CHRM3: variants seen among roughly 807,000 people sequenced by gnomAD.
CHRM3 encodes the protein muscarinic acetylcholine receptor M3.
A neutral mutation model predicts 41.8 loss-of-function variants in CHRM3; 11 were observed. The ratio of observed to expected loss-of-function variants is 0.26; its 90% CI spans 0.17 to 0.44. CHRM3 has a LOEUF of 0.44. Ranked by LOEUF, CHRM3 falls within the 20% of genes least tolerant of loss-of-function variation. CHRM3 has a pLI of 1.00. For synonymous variants in CHRM3, 297 were observed against 301.4 expected (o/e 0.99, Z 0.15); for missense variants, 571 against 745.4 (o/e 0.77, Z 2.72).
intron 5 of CHRM3, among the ~76,000 whole-genome samples, chr1:239,702,964 C>A (rs1242616691): frequency 6.6e-6 from 1 of 152,160 alleles, no homozygotes; most frequent in Non-Finnish European, 1.5e-5. Flanking sequence ...AAGTGCTTCA[C>A]AAATCCCACA....
chr1:239,811,336 C>T (rs771198473), intron 5 of CHRM3, among the ~76,000 whole-genome samples: 3 of 152,202 alleles, frequency 2.0e-5, no homozygotes, highest in Non-Finnish European at 2.9e-5. Context: ...CCCATGCAGG[C>T]CATCCAAGAC....
intron 5 of CHRM3, among the ~76,000 whole-genome samples, chr1:239,715,521 A>T (rs1572075539): frequency 1.3e-5 from 2 of 152,238 alleles, no homozygotes; most frequent in East Asian, 3.9e-4. Context: ...TACCTTATTG[A>T]ATGCAGATTT....
chr1:239,518,131 A>C (rs1039690192), intron 2 of CHRM3, among the ~76,000 whole-genome samples: 2 of 152,146 alleles, frequency 1.3e-5, no homozygotes, highest in Admixed American at 6.5e-5. Flanking sequence ...CAACAACAAC[A>C]ACCACAAACC....
chr1:239,620,324 T>G (rs1001605069), intron 3 of CHRM3, among the ~76,000 whole-genome samples: 4 of 152,308 alleles, frequency 2.6e-5, no homozygotes, highest in Non-Finnish European at 5.9e-5. Flanking sequence ...GGCCAAAGAT[T>G]GTTTTCAGTC....
At chr1:239,855,730 A>G (rs547370543) in intron 6 of CHRM3, among the ~76,000 whole-genome samples, 1 of 152,282 alleles carries the variant, frequency 6.6e-6, no homozygotes, top group Non-Finnish European at 1.5e-5. Context: ...ATTTTCATAC[A>G]TAATGAAAAG....
intron 5 of CHRM3, among the ~76,000 whole-genome samples, chr1:239,823,210 A>T (rs140709734): frequency 6.6e-6 from 1 of 152,224 alleles, no homozygotes; most frequent in Non-Finnish European, 1.5e-5. Context: ...AGAAAGCTCA[A>T]TGAAAGAGGC....
chr1:239,467,906 C>A (rs560517087), intron 1 of CHRM3, among the ~76,000 whole-genome samples: 8 of 77,146 alleles, frequency 1.0e-4, no homozygotes, highest in East Asian at 5.7e-4. Flanking sequence ...CCTACCCCCC[C>A]CCAACGTTAT....
intron 1 of CHRM3, among the ~76,000 whole-genome samples, chr1:239,430,464 A>G (rs555082183): frequency 7.2e-4 from 110 of 152,190 alleles, no homozygotes; most frequent in Non-Finnish European, 1.3e-3. Flanking sequence ...GTTAATAGGT[A>G]TGGTTTTTGT....
intron 5 of CHRM3, among the ~76,000 whole-genome samples, chr1:239,761,320 C>T (rs900586086): frequency 6.6e-6 from 1 of 152,110 alleles, no homozygotes; most frequent in African/African-American, 2.4e-5. Flanking sequence ...TGTGTATAAG[C>T]TCTTTTAATG....
chr1:239,520,867 T>A (rs551281429), intron 2 of CHRM3, among the ~76,000 whole-genome samples: 9 of 152,312 alleles, frequency 5.9e-5, no homozygotes, highest in African/African-American at 1.7e-4. Flanking sequence ...TTAAGGCATT[T>A]TGTACATACA....
chr1:239,536,091 GC>G (rs1658170546), intron 2 of CHRM3, among the ~76,000 whole-genome samples: 1 of 152,126 alleles, frequency 6.6e-6, no homozygotes. Context: ...TAAAGATGTT[GC>G]CCCAAATTCC....
intron 6 of CHRM3, among the ~76,000 whole-genome samples, chr1:239,902,376 C>A (rs888801097): frequency 2.0e-5 from 3 of 152,254 alleles, no homozygotes; most frequent in South Asian, 4.1e-4. Flanking sequence ...TTATACATCT[C>A]CTGGGCCAAC....
At chr1:239,816,903 T>C (rs1671637945) in intron 5 of CHRM3, among the ~76,000 whole-genome samples, 1 of 152,034 alleles carries the variant, frequency 6.6e-6, no homozygotes, top group Non-Finnish European at 1.5e-5. Context: ...GCTAATTTTT[T>C]TATATTTTTA....
chr1:239,821,481 A>T (rs763421955), intron 5 of CHRM3, among the ~76,000 whole-genome samples: 3 of 152,254 alleles, frequency 2.0e-5, no homozygotes, highest in Non-Finnish European at 4.4e-5. Flanking sequence ...TCTGATGTAC[A>T]TTCTGATTGC....
intron 3 of CHRM3, among the ~76,000 whole-genome samples, chr1:239,564,700 AC>A (rs1468126996): frequency 6.6e-5 from 10 of 152,150 alleles, no homozygotes; most frequent in African/African-American, 2.4e-4. Flanking sequence ...CCTTTTTCTT[AC>A]CCCACAGTCA....
At chr1:239,450,949 G>A (rs1334589013) in intron 1 of CHRM3, among the ~76,000 whole-genome samples, 3 of 152,186 alleles carry the variant, frequency 2.0e-5, no homozygotes, top group African/African-American at 7.2e-5. Flanking sequence ...CAGCACTTTG[G>A]GAGGCCATGA....
intron 3 of CHRM3, among the ~76,000 whole-genome samples, chr1:239,569,204 G>GT (rs1572739478): frequency 6.6e-6 from 1 of 152,096 alleles, no homozygotes; most frequent in East Asian, 1.9e-4. Flanking sequence ...CTTTAATTCT[G>GT]TTTGCTCTCT....
At chr1:239,659,296 C>T (rs897368412) in intron 4 of CHRM3, among the ~76,000 whole-genome samples, 2 of 152,116 alleles carry the variant, frequency 1.3e-5, no homozygotes, top group Non-Finnish European at 2.9e-5. Flanking sequence ...TCACTTGTTC[C>T]CAAGATTCCC....
At chr1:239,469,162 C>T (rs146909836) in intron 1 of CHRM3, among the ~76,000 whole-genome samples, 4 of 152,214 alleles carry the variant, frequency 2.6e-5, no homozygotes, top group African/African-American at 7.2e-5. Flanking sequence ...GATCTACTCC[C>T]CTGAAATTAG....
Sources: allele counts gnomAD v4.1 joint callset (sites outside exome capture counted in the v4.1 genomes callset), GRCh38; gene constraint gnomAD v4.1.1; transcripts MANE v1.5; gene names NCBI Gene and HGNC (gene_info 2026-07-23, HGNC 2026-07-21).